The following ASTN2 variants were observed in gnomAD, a reference collection of about 807,000 sequenced individuals.
The protein encoded by ASTN2 is astrotactin 2, also known as astrotactin-2.
In ASTN2, 54 loss-of-function variants were observed where a neutral mutation model predicts 139.8. The ratio of observed to expected loss-of-function variants is 0.39; its 90% CI spans 0.31 to 0.48. ASTN2 has a LOEUF of 0.48. Ranked by LOEUF, ASTN2 falls within the 20% of genes least tolerant of loss-of-function variation. ASTN2 has a pLI of 0.95. For missense variants in ASTN2, 1,565 were observed against 1,725.1 expected, an observed-to-expected ratio of 0.91 and a Z score of 1.64; for synonymous variants, 756 against 719.5, an observed-to-expected ratio of 1.05 and a Z score of -0.81.
chr9:116,964,219 GTGT>G lies in ASTN2; in HGVS notation c.1889+10986_1889+10988del, dbSNP rs1564362529. Among the ~76,000 whole-genome samples, 642 of 77,144 alleles carry G rather than the reference GTGT, an allele frequency of 8.3e-3. 5 individuals are homozygous for G. Among genetic ancestry groups the G allele is most frequent in the African/African-American group, 0.034 (567 of 16,478 alleles). 50.6% of individuals were successfully genotyped at this position (77,144 alleles called of 152,430 possible). On this transcript the variant is annotated intron_variant, in intron 10 of 22. Coordinates refer to ENST00000313400, the MANE Select transcript of ASTN2 (RefSeq NM_001365068.1). ...CTTTCTGACTAGACTGCCCTGGGGT[GTGT>G]GTGTGTGTGTGTGTGTGTGTGTGTG... is the stretch of plus-strand genomic sequence containing the variant.
intron 13 of ASTN2, among the ~76,000 whole-genome samples, chr9:116,777,904 G>C (rs1172952985): frequency 6.6e-6 from 1 of 151,792 alleles, no homozygotes; most frequent in Non-Finnish European, 1.5e-5. Context: ...GTACAGTGGT[G>C]CAGTCTCGGC....
chr9:116,779,317 T>A (rs1295030849), intron 13 of ASTN2, among the ~76,000 whole-genome samples: 1 of 152,066 alleles, frequency 6.6e-6, no homozygotes, highest in Non-Finnish European at 1.5e-5. Flanking sequence ...TTCTGTCCCT[T>A]TTGCCAGGTG....
At chr9:116,855,762 A>G (rs1832723394) in intron 11 of ASTN2, among the ~76,000 whole-genome samples, 1 of 152,144 alleles carries the variant, frequency 6.6e-6, no homozygotes, top group Non-Finnish European at 1.5e-5. Flanking sequence ...CAAGTTTCTC[A>G]TACTTTCTGA....
chr9:117,276,640 A>T (rs929461876), intron 2 of ASTN2, among the ~76,000 whole-genome samples: 4 of 152,176 alleles, frequency 2.6e-5, no homozygotes, highest in Non-Finnish European at 5.9e-5. Context: ...GAAAGCCCGG[A>T]GCTGCTTGTG....
At chr9:117,071,183 G>GT (rs555987073) in intron 5 of ASTN2, among the ~76,000 whole-genome samples, 6,513 of 151,520 alleles carry the variant, frequency 0.043, 424 homozygotes, top group African/African-American at 0.14. Flanking sequence ...GTACAGATGG[G>GT]TTTTTGGTGT....
chr9:116,538,365 C>G (rs1219789525), intron 19 of ASTN2, among the ~76,000 whole-genome samples: 2 of 151,788 alleles, frequency 1.3e-5, no homozygotes, highest in Non-Finnish European at 2.9e-5. Context: ...AGGAAGGAAA[C>G]AAGGAAGGAA....
At chr9:116,591,457 C>T (rs529913999) in intron 19 of ASTN2, among the ~76,000 whole-genome samples, 68 of 152,316 alleles carry the variant, frequency 4.5e-4, no homozygotes, top group African/African-American at 1.6e-3. Flanking sequence ...GGGATCCAGG[C>T]TGGTAGCATA....
At chr9:117,157,536 T>A (rs1223031953) in intron 3 of ASTN2, among the ~76,000 whole-genome samples, 1 of 152,024 alleles carries the variant, frequency 6.6e-6, no homozygotes, top group South Asian at 2.1e-4. Context: ...GACTTCCATA[T>A]CCAGAAAGCC....
chr9:117,096,972 C>T (rs562947153), intron 4 of ASTN2, among the ~76,000 whole-genome samples: 3 of 152,228 alleles, frequency 2.0e-5, no homozygotes, highest in East Asian at 1.9e-4. Flanking sequence ...GGGTGCCAAA[C>T]GGAGGATAGG....
chr9:116,679,417 G>A (rs1375046069), intron 16 of ASTN2, among the ~76,000 whole-genome samples: 1 of 152,082 alleles, frequency 6.6e-6, no homozygotes, highest in Non-Finnish European at 1.5e-5. Flanking sequence ...TGGAACATTT[G>A]TGTAAATGTG....
intron 10 of ASTN2, among the ~76,000 whole-genome samples, chr9:116,867,856 G>C (rs971460434): frequency 2.0e-5 from 3 of 152,228 alleles, no homozygotes; most frequent in African/African-American, 7.2e-5. Context: ...CTGAGCGCAA[G>C]ACAGGAAAAA....
At chr9:117,402,794 G>A (rs1830872729) in intron 1 of ASTN2, among the ~76,000 whole-genome samples, 1 of 152,102 alleles carries the variant, frequency 6.6e-6, no homozygotes, top group African/African-American at 2.4e-5. Context: ...GGTGGTGGTG[G>A]TGGTGTGATG....
intron 4 of ASTN2, among the ~76,000 whole-genome samples, chr9:117,100,618 GAGA>G (rs1377357432): frequency 2.0e-5 from 3 of 152,224 alleles, no homozygotes; most frequent in African/African-American, 4.8e-5. Flanking sequence ...CACCATATTG[GAGA>G]ACACAGTTCT....
At chr9:117,276,637 C>T (rs896597332) in intron 2 of ASTN2, among the ~76,000 whole-genome samples, 2 of 152,120 alleles carry the variant, frequency 1.3e-5, no homozygotes, top group African/African-American at 2.4e-5. Context: ...GGGGAAAGCC[C>T]GGAGCTGCTT....
chr9:117,175,806 T>C (rs976935228), intron 3 of ASTN2, among the ~76,000 whole-genome samples: 1 of 152,158 alleles, frequency 6.6e-6, no homozygotes, highest in Non-Finnish European at 1.5e-5. Context: ...ACTAGGATAG[T>C]AAAAAATTCT....
intron 10 of ASTN2, among the ~76,000 whole-genome samples, chr9:116,879,778 G>T (rs10817952): frequency 0.37 from 55,864 of 152,080 alleles, 12,100 homozygotes; most frequent in Non-Finnish European, 0.49. Context: ...TACAGTAATT[G>T]TTACTAACAA....
At chr9:116,685,243 G>A (rs1184083014) in intron 16 of ASTN2, among the ~76,000 whole-genome samples, 1 of 152,010 alleles carries the variant, frequency 6.6e-6, no homozygotes, top group East Asian at 1.9e-4. Flanking sequence ...TCACTGCAAG[G>A]AGACAGCTTC....
intron 13 of ASTN2, among the ~76,000 whole-genome samples, chr9:116,758,869 A>G (rs190824182): frequency 4.6e-5 from 7 of 152,228 alleles, no homozygotes; most frequent in Admixed American, 2.0e-4. Flanking sequence ...CACATGTTGG[A>G]TAAATAAGCC....
chr9:117,022,215 G>GTGAGTGA (rs1409605744), intron 6 of ASTN2, among the ~76,000 whole-genome samples: 1 of 152,106 alleles, frequency 6.6e-6, no homozygotes, highest in Non-Finnish European at 1.5e-5. Flanking sequence ...GACATTAAAA[G>GTGAGTGA]TGAGTGATTT....
Sources: gnomAD v4.1 joint callset for allele counts (sites outside exome capture counted in the v4.1 genomes callset) on GRCh38, gnomAD v4.1.1 for gene constraint, MANE v1.5 for transcripts, NCBI Gene and HGNC (gene_info 2026-07-23, HGNC 2026-07-21) for gene names.